Variants in ABCA12 observed in about 807,000 individuals in gnomAD.
ABCA12 encodes the protein ATP binding cassette subfamily A member 12.
ABCA12 carries 156 observed loss-of-function variants against 293.5 expected under a neutral mutation model. That is an observed-to-expected ratio of 0.53 (90% CI 0.47 to 0.61). The LOEUF is 0.61. Ranked by LOEUF, ABCA12 falls within the 20% of genes least tolerant of loss-of-function variation. ABCA12 has a pLI of 0.00. For synonymous variants in ABCA12, 1,063 were observed against 1,108.0 expected, an observed-to-expected ratio of 0.96 and a Z score of 0.81; for missense variants, 2,797 against 3,090.2, an observed-to-expected ratio of 0.91 and a Z score of 2.25.
At chr2:215,097,038 G>A (rs1294147429) in intron 2 of ABCA12, among the ~76,000 whole-genome samples, 3 of 152,172 alleles carry the variant, frequency 2.0e-5, no homozygotes, top group Non-Finnish European at 4.4e-5. Flanking sequence ...GGGAAGACCA[G>A]AGGCACAAAC....
chr2:214,961,273 A>G (rs998508648), intron 39 of ABCA12, among the ~76,000 whole-genome samples: 2 of 152,140 alleles, frequency 1.3e-5, no homozygotes, highest in Non-Finnish European at 1.5e-5. Flanking sequence ...AAGACATACT[A>G]TTACTAATTT....
chr2:215,022,595 A>G (rs564916238), intron 11 of ABCA12: 77 of 152,330 alleles, frequency 5.1e-4, no homozygotes, highest in African/African-American at 1.8e-3. Context: ...CTTCATGTAG[A>G]GCCCTTCTCT....
intron 2 of ABCA12, among the ~76,000 whole-genome samples, chr2:215,068,408 G>A (rs1701675003): frequency 6.6e-6 from 1 of 152,136 alleles, no homozygotes; most frequent in Non-Finnish European, 1.5e-5. Flanking sequence ...CATAGACAAT[G>A]GGTGCCTCAA....
chr2:215,003,692 G>T (rs531179239), intron 20 of ABCA12, among the ~76,000 whole-genome samples: 23 of 150,848 alleles, frequency 1.5e-4, no homozygotes, highest in African/African-American at 5.6e-4. Context: ...TTTGAGACAG[G>T]GTTTTACTCC....
chr2:214,979,794 T>C (rs1699606862), intron 31 of ABCA12, among the ~76,000 whole-genome samples: 1 of 152,200 alleles, frequency 6.6e-6, no homozygotes, highest in Non-Finnish European at 1.5e-5. Flanking sequence ...TAACTATTAA[T>C]AGCATAACAT....
chr2:215,129,055 T>C (rs914629188), intron 1 of ABCA12, among the ~76,000 whole-genome samples: 4 of 152,146 alleles, frequency 2.6e-5, no homozygotes, highest in Admixed American at 6.5e-5. Flanking sequence ...AGAGCAGTGA[T>C]TGTTGTCTCT....
In ABCA12 at chr2:215,019,722, C is replaced by A. The variant is rs760713161; in HGVS notation, c.1362G>T (p.Gln454His). 1.9e-6 allele frequency: 3 copies of A among 1,614,126 alleles called. No individual in the cohort carries two copies. In the East Asian group the frequency reaches 6.7e-5, roughly 36 times the overall value. The part of the protein sequence containing the change: ...ETFSLIEKSC[Q>H]LSDMSFGSLC... ...GGCTCCCAAAGCTCATATCAGAGAG[C>A]TGGCATGACTTCTCTATCAAACTGA... The change falls in exon 12 of 53, where the codon CAG (glutamine) becomes CAT (histidine). Residue 454 changes from glutamine to histidine, a missense_variant. By Grantham distance (24) the Gln-to-His change is conservative. Coordinates refer to ENST00000272895, the MANE Select transcript of ABCA12 (RefSeq NM_173076.3).
At chr2:215,075,091 C>A (rs1701809507) in intron 2 of ABCA12, among the ~76,000 whole-genome samples, 1 of 152,118 alleles carries the variant, frequency 6.6e-6, no homozygotes, top group African/African-American at 2.4e-5. Flanking sequence ...CCCCCACCAC[C>A]AATGCATGGG....
intron 3 of ABCA12, among the ~76,000 whole-genome samples, chr2:215,055,036 CA>C (rs1204426233): frequency 1.3e-5 from 2 of 151,888 alleles, no homozygotes; most frequent in East Asian, 3.9e-4. Flanking sequence ...GGGACTGAAA[CA>C]AAGGTCTGCT....
At chr2:215,017,910 G>A in intron 14 of ABCA12, 98 bp downstream of exon 14, 1 of 1,538,910 alleles carries the variant, frequency 6.5e-7, no homozygotes, top group Non-Finnish European at 8.9e-7. Flanking sequence ...AGATTAGCAT[G>A]CAACTTCTCA....
chr2:214,937,863 A>AAACAT (rs200768452), intron 50 of ABCA12, among the ~76,000 whole-genome samples: 1 of 152,212 alleles, frequency 6.6e-6, no homozygotes, highest in African/African-American at 2.4e-5. Context: ...GTTGAAAAGA[A>AAACAT]AACATAACAT....
intron 45 of ABCA12, among the ~76,000 whole-genome samples, chr2:214,949,379 C>T (rs4672736): frequency 0.47 from 62,009 of 133,320 alleles, 16,776 homozygotes; most frequent in Non-Finnish European, 0.62. Context: ...TATATATATA[C>T]ACACACACAC....
chr2:215,059,180 T>C (rs1256912361), intron 3 of ABCA12, among the ~76,000 whole-genome samples: 1 of 152,078 alleles, frequency 6.6e-6, no homozygotes, highest in Non-Finnish European at 1.5e-5. Flanking sequence ...CATGGGTATG[T>C]AGTGGCACCT....
intron 28 of ABCA12, among the ~76,000 whole-genome samples, chr2:214,984,985 G>A (rs1699756007): frequency 6.6e-6 from 1 of 152,148 alleles, no homozygotes; most frequent in African/African-American, 2.4e-5. Context: ...CCACTATAAT[G>A]TAAGCTCCAT....
chr2:215,112,485 T>G (rs1056443091), intron 1 of ABCA12, among the ~76,000 whole-genome samples: 2 of 105,390 alleles, frequency 1.9e-5, no homozygotes, highest in South Asian at 2.9e-4. Flanking sequence ...GGGTTTTTTT[T>G]GTTTTTTTTT....
chr2:215,084,633 A>G (rs1432412867), intron 2 of ABCA12, among the ~76,000 whole-genome samples: 1 of 152,174 alleles, frequency 6.6e-6, no homozygotes, highest in Non-Finnish European at 1.5e-5. Context: ...TCTCGTAACT[A>G]TTATCATCCC....
intron 6 of ABCA12, 71 bp downstream of exon 6, chr2:215,049,555 G>A (rs1701275336): frequency 2.0e-6 from 3 of 1,464,734 alleles, no homozygotes; most frequent in Non-Finnish European, 2.9e-6. Flanking sequence ...GCATTTCCCA[G>A]TCTACACGGG....
At chr2:214,995,625 G>C (rs1038457772) in intron 23 of ABCA12, among the ~76,000 whole-genome samples, 1 of 152,036 alleles carries the variant, frequency 6.6e-6, no homozygotes, top group Non-Finnish European at 1.5e-5. Context: ...GAGAACTGTG[G>C]GCAGTGGAGC....
At chr2:214,999,938 T>C (rs545086096) in intron 22 of ABCA12, 1 of 462,018 alleles carries the variant, frequency 2.2e-6, no homozygotes, top group Admixed American at 6.4e-5. Context: ...TAAACTGCAA[T>C]AACTGGGTTG....
Sources: allele counts gnomAD v4.1 joint callset (sites outside exome capture counted in the v4.1 genomes callset), GRCh38; gene constraint gnomAD v4.1.1; transcripts MANE v1.5; gene names NCBI Gene and HGNC (gene_info 2026-07-23, HGNC 2026-07-21).